RIMS3: variants seen among roughly 807,000 people sequenced by gnomAD.
The protein encoded by RIMS3 is regulating synaptic membrane exocytosis protein 3.
A neutral mutation model predicts 29.2 loss-of-function variants in RIMS3; 15 were observed. The ratio of observed to expected loss-of-function variants is 0.51; its 90% CI spans 0.34 to 0.79. The LOEUF (loss-of-function observed/expected upper bound fraction) is 0.79, where lower values mean the gene tolerates loss of function less well. Ranked by LOEUF, RIMS3 falls within the 30% of genes least tolerant of loss-of-function variation. The pLI is 0.01. For missense variants in RIMS3, 342 were observed against 421.4 expected (o/e 0.81, Z 1.65); for synonymous variants, 161 against 170.1 (o/e 0.95, Z 0.41).
At chr1:40,633,916 T>C (rs187974442) in intron 4 of RIMS3, among the ~76,000 whole-genome samples, 5 of 152,246 alleles carry the variant, frequency 3.3e-5, no homozygotes, top group Admixed American at 2.6e-4. Flanking sequence ...CAAAACAAAA[T>C]TCATAGGGTT....
chr1:40,629,280 A>T lies in RIMS3; in HGVS notation c.565T>A (p.Ser189Thr), dbSNP rs536789472. 6.2e-7 allele frequency: 1 copy of T among 1,613,864 alleles called. No individual in the cohort carries two copies. Among genetic ancestry groups the T allele is most frequent in the African/African-American group, 1.3e-5 (1 of 74,978 alleles). ...TTCCAAAATCCCTCACCTGGGAGGG[A>T]TTTGGAGCCTGGTTTGGGGGTCAGG... ...RGLTPKPGSKSLPATYIKVYL... is the reference protein window; with the variant it reads ...RGLTPKPGSKTLPATYIKVYL... The change falls in exon 6 of 8, where the codon TCC (serine) becomes ACC (threonine). Residue 189 changes from serine (S) to threonine (T), a missense_variant. By Grantham distance (58) the Ser-to-Thr change is moderately conservative. Transcript: ENST00000372684.
At chr1:40,658,415 CA>C (rs1642301483) in intron 1 of RIMS3, among the ~76,000 whole-genome samples, 1 of 152,206 alleles carries the variant, frequency 6.6e-6, no homozygotes, top group Admixed American at 6.5e-5. Flanking sequence ...GGCTCAGGCC[CA>C]ACTGCCTGCA....
chr1:40,629,187 G>A (rs1425437134), intron 6 of RIMS3, 84 bp downstream of exon 6: 41 of 1,248,766 alleles, frequency 3.3e-5, no homozygotes, highest in Non-Finnish European at 4.7e-5. Context: ...CCCGATTTAG[G>A]CCAGTGGGAG....
the RIMS3 span, among the ~76,000 whole-genome samples, chr1:40,675,284 A>G: frequency 6.6e-6 from 1 of 151,706 alleles, no homozygotes; most frequent in Non-Finnish European, 1.5e-5. Flanking sequence ...AGGAAAAAAA[A>G]AAAAGGAAAG....
At chr1:40,689,543 G>A in the RIMS3 span, among the ~76,000 whole-genome samples, 1 of 151,960 alleles carries the variant, frequency 6.6e-6, no homozygotes, top group Admixed American at 6.6e-5. Flanking sequence ...GCCTCCCAAA[G>A]TGCTGGGATT....
At chr1:40,677,802 G>C in the RIMS3 span, among the ~76,000 whole-genome samples, 1 of 152,254 alleles carries the variant, frequency 6.6e-6, no homozygotes, top group South Asian at 2.1e-4. Flanking sequence ...CACACTGCTA[G>C]CCAAGGCAAG....
At chr1:40,632,418 T>TTATATATATA (rs56394507) in intron 5 of RIMS3, among the ~76,000 whole-genome samples, 7 of 87,990 alleles carry the variant, frequency 8.0e-5, no homozygotes, top group Admixed American at 1.4e-4. Flanking sequence ...ACATATAAAT[T>TTATATATATA]TATATATATA....
At chr1:40,627,448 T>TTGATCTCCTGACCTCG (rs1406996236) in intron 7 of RIMS3, among the ~76,000 whole-genome samples, 1 of 152,188 alleles carries the variant, frequency 6.6e-6, no homozygotes, top group African/African-American at 2.4e-5. Context: ...CAGGATGGTC[T>TTGATCTCCTGACCTCG]TGATCTCCTG....
chr1:40,657,037 C>G (rs1355999289), intron 1 of RIMS3, among the ~76,000 whole-genome samples: 2 of 152,224 alleles, frequency 1.3e-5, no homozygotes, highest in African/African-American at 4.8e-5. Flanking sequence ...TAATAACAAT[C>G]TTTTAGAAAT....
At chr1:40,631,159 G>A (rs1646486670) in intron 5 of RIMS3, among the ~76,000 whole-genome samples, 1 of 152,184 alleles carries the variant, frequency 6.6e-6, no homozygotes, top group African/African-American at 2.4e-5. Context: ...GGAAAGGAGT[G>A]GAGGCGAGGA....
chr1:40,632,685 T>C (rs1396498320), intron 5 of RIMS3, among the ~76,000 whole-genome samples: 1 of 151,770 alleles, frequency 6.6e-6, no homozygotes, highest in African/African-American at 2.4e-5. Context: ...ACAGAACCCA[T>C]GGATACAGAG....
At chr1:40,687,344 G>C in the RIMS3 span, among the ~76,000 whole-genome samples, 1 of 152,080 alleles carries the variant, frequency 6.6e-6, no homozygotes, top group African/African-American at 2.4e-5. Context: ...GCTCACGTCT[G>C]TAATCCCAGC....
chr1:40,669,040 C>T (rs530865931), upstream of RIMS3: 2 of 152,402 alleles, frequency 1.3e-5, no homozygotes, highest in Admixed American at 6.5e-5. Context: ...AGCCGAAGTC[C>T]TCCTGGAGGC....
intron 2 of RIMS3, among the ~76,000 whole-genome samples, chr1:40,643,815 C>T (rs951280211): frequency 2.0e-5 from 3 of 152,228 alleles, no homozygotes; most frequent in Non-Finnish European, 4.4e-5. Context: ...CTGCTTATTT[C>T]TTTAGGACTG....
At position 40,621,294 on chromosome 1, in the gene RIMS3, G is replaced by A. The variant is rs1361880986; in HGVS notation, c.*5223C>T. Reference sequence around the variant, plus strand: ...ACTTACTCAGGATGTAGCGGAGGTTGTGACATCACATCAGCACCTTGAAAA... The same window carrying A: ...ACTTACTCAGGATGTAGCGGAGGTTATGACATCACATCAGCACCTTGAAAA... On this transcript the variant is annotated 3_prime_UTR_variant, in exon 8 of 8. Transcript: ENST00000372684. The A allele has an allele frequency of 6.6e-6, 1 of 152,258 alleles. No homozygotes were observed. Among genetic ancestry groups the A allele is most frequent in the Non-Finnish European group, 1.5e-5 (1 of 68,054 alleles). 9.4% of individuals were successfully genotyped at this position (152,258 alleles called of 1,614,324 possible).
chr1:40,641,038 G>A (rs1646552409), intron 3 of RIMS3, among the ~76,000 whole-genome samples: 1 of 152,234 alleles, frequency 6.6e-6, no homozygotes. Context: ...ACATCTTTGT[G>A]TGTGTCTCCC....
At chr1:40,637,069 C>T (rs2148347867) in intron 3 of RIMS3, among the ~76,000 whole-genome samples, 1 of 152,296 alleles carries the variant, frequency 6.6e-6, no homozygotes, top group South Asian at 2.1e-4. Flanking sequence ...GAACCATTTG[C>T]TGTCACTGGT....
At chr1:40,690,464 G>A in the RIMS3 span, 1 of 151,814 alleles carries the variant, frequency 6.6e-6, no homozygotes, top group Non-Finnish European at 1.5e-5. Context: ...TAACACTTTT[G>A]CAATTTACGA....
Position 40,629,289 on chromosome 1 carries a change from C to T in RIMS3, c.556G>A (p.Gly186Ser), listed in dbSNP as rs1374509478. Residue 186 changes from glycine (G) to serine (S), a missense_variant, in exon 6 of 8, where the codon GGC (glycine) becomes AGC (serine). Coordinates refer to ENST00000372684, the MANE Select transcript of RIMS3 (RefSeq NM_014747.3). ...CCCTCACCTGGGAGGGATTTGGAGCCTGGTTTGGGGGTCAGGCCCCGAGCT... is the reference window on the plus strand; with the variant it reads ...CCCTCACCTGGGAGGGATTTGGAGCTTGGTTTGGGGGTCAGGCCCCGAGCT... ...IEARGLTPKP[G>S]SKSLPATYIK... is the part of the protein sequence containing the mutation. The T allele has an allele frequency of 6.2e-7, 1 of 1,614,114 alleles. No individual in the cohort carries two copies. Among genetic ancestry groups the T allele is most frequent in the South Asian group, 1.1e-5 (1 of 91,086 alleles).
Sources: gnomAD v4.1 joint callset for allele counts (sites outside exome capture counted in the v4.1 genomes callset) on GRCh38, gnomAD v4.1.1 for gene constraint, MANE v1.5 for transcripts, NCBI Gene and HGNC (gene_info 2026-07-23, HGNC 2026-07-21) for gene names.